STRN: variants seen among roughly 807,000 people sequenced by gnomAD.
STRN encodes striatin.
In STRN, 53 loss-of-function variants were observed where a neutral mutation model predicts 96.3. That is an observed-to-expected ratio of 0.55 (90% confidence interval 0.44 to 0.69). The LOEUF (loss-of-function observed/expected upper bound fraction) is 0.69, where lower values mean the gene tolerates loss of function less well. Ranked by LOEUF, STRN falls within the 30% of genes least tolerant of loss-of-function variation. STRN has a pLI of 0.00. For synonymous variants in STRN, 428 were observed against 355.9 expected (o/e 1.20, Z -2.28); for missense variants, 987 against 963.9 (o/e 1.02, Z -0.32).
rs975744364 is a variant in STRN, at chr2:36,848,493, G to C, written c.*963C>G. 1 of 152,172 alleles carries C rather than the reference G, an allele frequency of 6.6e-6. No homozygotes were observed. The highest frequency in any genetic ancestry group is 1.5e-5 in the Non-Finnish European group (1 of 68,016). The allele number at this position is 152,172 out of a possible 1,614,324, so 9.4% of individuals were successfully genotyped here. On this transcript the variant is annotated 3_prime_UTR_variant, in exon 18 of 18. Coordinates refer to ENST00000263918, the MANE Select transcript of STRN (RefSeq NM_003162.4). ...CACAGATCATCTGAAGCATGATTAGGTGGGTGTTGATAAATGATTATTAGC... is the reference window on the plus strand; with the variant it reads ...CACAGATCATCTGAAGCATGATTAGCTGGGTGTTGATAAATGATTATTAGC...
At chr2:36,875,128 T>C (rs1343857627) in intron 10 of STRN, among the ~76,000 whole-genome samples, 2 of 152,098 alleles carry the variant, frequency 1.3e-5, no homozygotes, top group African/African-American at 4.8e-5. Context: ...GATAAAGATG[T>C]ATGTGATACT....
chr2:36,849,339 G>A lies in STRN; in HGVS notation c.*117C>T, dbSNP rs2148122272. 1.7e-6 allele frequency: 2 copies of A among 1,189,478 alleles called. No homozygotes were observed. The highest frequency in any genetic ancestry group is 4.8e-5 in the East Asian group (2 of 41,334). 73.7% of individuals were successfully genotyped at this position (1,189,478 alleles called of 1,614,324 possible). A position where few individuals can be genotyped will look rare whatever the true frequency, so the allele number is the denominator to read the frequency against. The stretch of plus-strand genomic sequence containing the variant: ...AACTATACTTCAACAAATGTTCTCT[G>A]TGCTCCTTCAGCAGAACAAAAGGGC... On this transcript the variant is annotated 3_prime_UTR_variant, in exon 18 of 18. Coordinates refer to ENST00000263918, the MANE Select transcript of STRN (RefSeq NM_003162.4).
At chr2:36,958,891 G>A (rs1198833791) in intron 1 of STRN, among the ~76,000 whole-genome samples, 4 of 152,112 alleles carry the variant, frequency 2.6e-5, no homozygotes, top group South Asian at 2.1e-4. Flanking sequence ...AGGCTGAGGC[G>A]GGCGGATCAC....
intron 3 of STRN, among the ~76,000 whole-genome samples, chr2:36,913,132 A>G (rs550227885): frequency 6.6e-6 from 1 of 152,140 alleles, no homozygotes; most frequent in South Asian, 2.1e-4. Context: ...CCCCATCTCC[A>G]ACGTTGCTCC....
chr2:36,872,435 A>G (rs564219486), intron 10 of STRN, among the ~76,000 whole-genome samples: 1 of 152,240 alleles, frequency 6.6e-6, no homozygotes, highest in African/African-American at 2.4e-5. Flanking sequence ...GCTCTGGCCA[A>G]CATCTTGATT....
At chr2:36,875,435 G>T (rs1429966686) in intron 10 of STRN, among the ~76,000 whole-genome samples, 1 of 142,252 alleles carries the variant, frequency 7.0e-6, no homozygotes, top group South Asian at 2.2e-4. Context: ...AAGCCTAGAA[G>T]GTCAAGGCTA....
chr2:36,839,315 G>A lies in STRN; in HGVS notation c.*10141C>T, dbSNP rs1252108444. 2.0e-5 allele frequency among the ~76,000 whole-genome samples: 3 copies of A among 152,088 alleles called. No homozygotes were observed. Among genetic ancestry groups the A allele is most frequent in the African/African-American group, 7.2e-5 (3 of 41,408 alleles). The stretch of plus-strand genomic sequence containing the variant: ...CCCCCACCTGGAATGTGCTGCATCA[G>A]GTGAAGTTTTTGTTTACTGCTGACT... On this transcript the variant is annotated 3_prime_UTR_variant, in exon 18 of 18. Transcript: ENST00000263918.
chr2:36,933,001 C>CT (rs951101835), intron 1 of STRN, among the ~76,000 whole-genome samples: 1 of 151,828 alleles, frequency 6.6e-6, no homozygotes, highest in African/African-American at 2.4e-5. Context: ...TCTTTCACCT[C>CT]TTTATAAATG....
chr2:36,963,177 C>A (rs1665070910), intron 1 of STRN, among the ~76,000 whole-genome samples: 1 of 152,296 alleles, frequency 6.6e-6, no homozygotes, highest in East Asian at 1.9e-4. Flanking sequence ...TTTCCTTACT[C>A]CCAAGATCTG....
intron 1 of STRN, among the ~76,000 whole-genome samples, chr2:36,950,651 G>C (rs1236838656): frequency 6.6e-6 from 1 of 152,194 alleles, no homozygotes; most frequent in Non-Finnish European, 1.5e-5. Flanking sequence ...GGTATCCCCA[G>C]TGCCTAGGAG....
chr2:36,902,920 G>A (rs1669727126), intron 4 of STRN, 169 bp from the exon 5 acceptor site: 1 of 433,000 alleles, frequency 2.3e-6, no homozygotes, highest in African/African-American at 2.0e-5. Context: ...AGATGGAGCT[G>A]TCTCTTGCAG....
intron 1 of STRN, among the ~76,000 whole-genome samples, chr2:36,942,297 TTA>T (rs1426114042): frequency 6.6e-6 from 1 of 152,140 alleles, no homozygotes; most frequent in East Asian, 1.9e-4. Context: ...CCTAGTTTTT[TTA>T]TGTCATTGCT....
intron 2 of STRN, among the ~76,000 whole-genome samples, chr2:36,923,270 G>A (rs1670310211): frequency 1.3e-5 from 2 of 151,582 alleles, no homozygotes; most frequent in African/African-American, 4.9e-5. Context: ...CCAATATGGT[G>A]AAACCCTGTC....
At chr2:36,897,033 G>A (rs1052794871) in intron 6 of STRN, among the ~76,000 whole-genome samples, 6 of 152,022 alleles carry the variant, frequency 3.9e-5, no homozygotes, top group Non-Finnish European at 7.4e-5. Context: ...CGGGTGTGGT[G>A]GTGCATGCTT....
At position 36,839,659 on chromosome 2, in the gene STRN, A is replaced by C. The variant is rs1169875336; in HGVS notation, c.*9797T>G. On this transcript the variant is annotated 3_prime_UTR_variant, in exon 18 of 18. Transcript: ENST00000263918. The stretch of plus-strand genomic sequence containing the variant: ...TTGTCTAAAATCTAACAGACAATAA[A>C]TGTCCTATTGTCCAGGCCAAATTCC... 6.6e-6 allele frequency among the ~76,000 whole-genome samples: 1 copy of C among 152,204 alleles called. No individual in the cohort carries two copies. The highest frequency in any genetic ancestry group is 1.5e-5 in the Non-Finnish European group (1 of 68,038).
intron 4 of STRN, among the ~76,000 whole-genome samples, chr2:36,903,922 C>T (rs925082598): frequency 5.3e-5 from 8 of 152,140 alleles, no homozygotes; most frequent in African/African-American, 1.9e-4. Context: ...ACTTTGGCAA[C>T]AAAATCACAT....
At chr2:36,935,451 A>G (rs1159627615) in intron 1 of STRN, among the ~76,000 whole-genome samples, 1 of 152,186 alleles carries the variant, frequency 6.6e-6, no homozygotes, top group African/African-American at 2.4e-5. Flanking sequence ...AACACCTTCT[A>G]TAATTAATCT....
Position 36,925,165 on chromosome 2 carries a change from T to G in STRN, c.278A>C (p.Asn93Thr), listed in dbSNP as rs1670376286. 1 of 1,613,804 alleles carries G rather than the reference T, an allele frequency of 6.2e-7. No homozygotes were observed. The highest frequency in any genetic ancestry group is 1.7e-5 in the Admixed American group (1 of 59,996). ...CCTCCTCACAAGATCCTTCTTCAAA[T>G]TTTCTTGGCCCTTCCTTTCTCCCTG... is the stretch of plus-strand genomic sequence containing the variant. ...FLQGERKGQE[N>T]LKKDLVRRIK... is the part of the protein sequence containing the mutation. Residue 93 changes from asparagine (N) to threonine (T), a missense_variant, in exon 2 of 18, where the codon AAT becomes ACT. Coordinates refer to ENST00000263918, the MANE Select transcript of STRN (RefSeq NM_003162.4).
At chr2:36,863,222 T>C (rs1487278722) in intron 12 of STRN, among the ~76,000 whole-genome samples, 1 of 152,164 alleles carries the variant, frequency 6.6e-6, no homozygotes, top group Non-Finnish European at 1.5e-5. Context: ...TTGCAATTGC[T>C]TTTGGTGTCT....
Sources: gnomAD v4.1 joint callset for allele counts (sites outside exome capture counted in the v4.1 genomes callset) on GRCh38, gnomAD v4.1.1 for gene constraint, MANE v1.5 for transcripts, NCBI Gene and HGNC (gene_info 2026-07-23, HGNC 2026-07-21) for gene names.